TSPEAR: variants seen among roughly 807,000 people sequenced by gnomAD.
TSPEAR encodes the protein thrombospondin-type laminin G domain and EAR repeat-containing protein.
A neutral mutation model predicts 71.6 loss-of-function variants in TSPEAR; 69 were observed. The ratio of observed to expected loss-of-function variants is 0.96; its 90% CI spans 0.79 to 1.18. The LOEUF (loss-of-function observed/expected upper bound fraction) is 1.18. TSPEAR is among the 50% of genes most tolerant of loss of function. The pLI, the probability that TSPEAR is intolerant of heterozygous loss-of-function variation, is 0.00. For synonymous variants in TSPEAR, 402 were observed against 387.2 expected (o/e 1.04, Z -0.45); for missense variants, 971 against 894.9 (o/e 1.09, Z -1.09).
rs1432835129 is a variant in TSPEAR at position 44,506,474 on chromosome 21, T to G, written c.1755-1593A>C. On this transcript the variant is annotated intron_variant, in intron 10 of 11. Transcript: ENST00000323084. This position sits in a 1 kb window ranked among gnomAD's most constrained non-coding sequence, Gnocchi z 4.2. ...CCTGCAGGCAGTTGTGGGGCCGGCC[T>G]GCAGCAGGGGCTCAGACAGGGCCTT... is the stretch of plus-strand genomic sequence containing the variant. Among the ~76,000 whole-genome samples the G allele has an allele frequency of 6.6e-6, 1 of 152,218 alleles. No homozygotes were observed. Among genetic ancestry groups the G allele is most frequent in the Non-Finnish European group, 1.5e-5 (1 of 68,022 alleles).
rs59426688 is a variant in TSPEAR at position 44,532,625 on chromosome 21, G to C, written c.542+1060C>G. 3.1e-3 allele frequency among the ~76,000 whole-genome samples: 467 copies of C among 152,276 alleles called. 4 individuals carry two copies. Among genetic ancestry groups the C allele is most frequent in the African/African-American group, 0.01 (435 of 41,566 alleles). On this transcript the variant is annotated intron_variant, in intron 3 of 11. Transcript: ENST00000323084. ...GATCCTACCTTTGAAAGTAATATTC[G>C]AAATAATTTAATATTTAATAGATTT...
Position 44,546,619 on chromosome 21 carries a change from C to T in TSPEAR, c.304-12696G>A, listed in dbSNP as rs587737755. Among the ~76,000 whole-genome samples the T allele has an allele frequency of 2.6e-5, 4 of 152,332 alleles. No homozygotes were observed. The highest frequency in any genetic ancestry group is 1.9e-4 in the East Asian group (1 of 5,188). On this transcript the variant is annotated intron_variant, in intron 2 of 11. Coordinates refer to ENST00000323084, the MANE Select transcript of TSPEAR (RefSeq NM_144991.3). The surrounding 1 kb of genome is among the most constrained non-coding windows in gnomAD (Gnocchi z 4.4). ...CTGGGATTACAGGCATGAGCCACTG[C>T]GCCCGGCCCCTCTTTCATTTTTGAA...
intron 1 of TSPEAR, chr21:44,697,817 G>C: frequency 6.2e-7 from 1 of 1,613,198 alleles, no homozygotes. Flanking sequence ...GTGCAGACCC[G>C]CCCGCCGCGT....
At chr21:44,673,168 A>G (rs1430428923) in intron 1 of TSPEAR, among the ~76,000 whole-genome samples, 4 of 152,260 alleles carry the variant, frequency 2.6e-5, no homozygotes, top group Non-Finnish European at 5.9e-5. Context: ...GCAACTAGTC[A>G]TATATAAGGA....
At chr21:44,606,675 AAT>A (rs1240682233) in intron 1 of TSPEAR, among the ~76,000 whole-genome samples, 1 of 152,206 alleles carries the variant, frequency 6.6e-6, no homozygotes, top group Non-Finnish European at 1.5e-5. Flanking sequence ...TACACAATGG[AAT>A]ACTATTCGGC....
At chr21:44,638,026 C>A (rs77446663) in intron 1 of TSPEAR, 24 of 1,611,890 alleles carry the variant, frequency 1.5e-5, no homozygotes, top group Non-Finnish European at 2.0e-5. Context: ...CCACCTGCTG[C>A]GTGCCCGTCC....
intron 9 of TSPEAR, among the ~76,000 whole-genome samples, chr21:44,513,846 TG>T (rs587661201): frequency 6.6e-6 from 1 of 151,960 alleles, no homozygotes; most frequent in African/African-American, 2.4e-5. Context: ...AAGCCCTGGT[TG>T]GGGGGGCAGT....
At chr21:44,544,314 T>C (rs1421956122) in intron 2 of TSPEAR, among the ~76,000 whole-genome samples, 4 of 151,864 alleles carry the variant, frequency 2.6e-5, no homozygotes, top group Non-Finnish European at 1.5e-5. Flanking sequence ...AAAAAATCAG[T>C]GCCTTTTAGG....
intron 1 of TSPEAR, among the ~76,000 whole-genome samples, chr21:44,577,121 G>A (rs1978509428): frequency 1.3e-5 from 2 of 152,214 alleles, no homozygotes. Flanking sequence ...ATCAATACTT[G>A]TGGGATGCAG....
chr21:44,563,040 G>T (rs233259), intron 2 of TSPEAR, among the ~76,000 whole-genome samples: 141,392 of 152,204 alleles, frequency 0.93, 65,830 homozygotes, highest in Non-Finnish European at 0.96. Flanking sequence ...ATTTGGTGTT[G>T]TTGGGCCTAT....
intron 1 of TSPEAR, chr21:44,627,500 G>A (rs1555934684): frequency 6.5e-7 from 1 of 1,536,904 alleles, no homozygotes; most frequent in South Asian, 1.2e-5. Context: ...CCTGTGTGCT[G>A]CGTGCCCGTC....
intron 9 of TSPEAR, among the ~76,000 whole-genome samples, chr21:44,513,508 TTCCCGCCC>T (rs1241536387): frequency 6.6e-6 from 1 of 152,126 alleles, no homozygotes; most frequent in Non-Finnish European, 1.5e-5. Context: ...GGGCAGGCCC[TTCCCGCCC>T]TCCCTCCAAT....
At chr21:44,533,330 C>T (rs973154798) in intron 3 of TSPEAR, among the ~76,000 whole-genome samples, 2 of 152,308 alleles carry the variant, frequency 1.3e-5, no homozygotes, top group African/African-American at 2.4e-5. Flanking sequence ...GAGGCTGGCG[C>T]GGACGCTGAC....
chr21:44,566,310 T>C (rs887614363), intron 2 of TSPEAR, among the ~76,000 whole-genome samples: 2 of 152,178 alleles, frequency 1.3e-5, no homozygotes, highest in Non-Finnish European at 2.9e-5. Flanking sequence ...ATAAAACTTA[T>C]ACTCTGAAAA....
At chr21:44,550,755 C>G (rs2053403178) in intron 2 of TSPEAR, 1 of 1,614,166 alleles carries the variant, frequency 6.2e-7, no homozygotes. Context: ...CACGGGGCGG[C>G]AGAGGAGGGA....
chr21:44,523,385 G>A (rs1375236145), intron 8 of TSPEAR, among the ~76,000 whole-genome samples: 1 of 150,660 alleles, frequency 6.6e-6, no homozygotes, highest in African/African-American at 2.5e-5. Flanking sequence ...GTAGTCAGTT[G>A]GTCAGTCAGT....
intron 1 of TSPEAR, among the ~76,000 whole-genome samples, chr21:44,657,720 T>C (rs1388643859): frequency 1.3e-5 from 2 of 152,296 alleles, no homozygotes; most frequent in South Asian, 2.1e-4. Flanking sequence ...ACAAAAAACC[T>C]GCATAACGTC....
chr21:44,500,240 G>A (rs1395142016), intron 11 of TSPEAR, among the ~76,000 whole-genome samples: 1 of 152,140 alleles, frequency 6.6e-6, no homozygotes, highest in African/African-American at 2.4e-5. Flanking sequence ...TCCGAGGGTC[G>A]GCCTCAATCG....
intron 1 of TSPEAR, among the ~76,000 whole-genome samples, chr21:44,569,100 CCCT>C (rs2053748993): frequency 6.6e-6 from 1 of 152,182 alleles, no homozygotes; most frequent in Non-Finnish European, 1.5e-5. Flanking sequence ...GAAGGCACAG[CCCT>C]TCCTTGCACC....
Sources: gnomAD v4.1 joint callset for allele counts (sites outside exome capture counted in the v4.1 genomes callset) on GRCh38, gnomAD v4.1.1 for gene constraint, Gnocchi (gnomAD v3.1) non-coding constraint, MANE v1.5 for transcripts, NCBI Gene and HGNC (gene_info 2026-07-23, HGNC 2026-07-21) for gene names.